Variants in LTBP1 observed in about 807,000 individuals in gnomAD.
LTBP1 encodes the protein latent transforming growth factor beta binding protein 1, also known as latent-transforming growth factor beta-binding protein 1.
Under a neutral mutation model 207.6 loss-of-function variants are expected in LTBP1, and 129 were observed. The ratio of observed to expected loss-of-function variants is 0.62; its 90% CI spans 0.54 to 0.72. The LOEUF is 0.72. Among genes scored for constraint, LTBP1 ranks in the 30% least tolerant of loss-of-function variants. The pLI, the probability that LTBP1 is intolerant of heterozygous loss-of-function variation, is 0.00. For synonymous variants in LTBP1, 963 were observed against 833.7 expected (o/e 1.16, Z -2.67); for missense variants, 2,281 against 2,217.2 (o/e 1.03, Z -0.58).
chr2:33,099,326 T>C (rs967867106), intron 3 of LTBP1, among the ~76,000 whole-genome samples: 76 of 152,336 alleles, frequency 5.0e-4, no homozygotes, highest in African/African-American at 1.7e-3. Flanking sequence ...ACCTTAAAAA[T>C]TGAAAGAATT....
chr2:33,254,272 G>A (rs1024184755), intron 11 of LTBP1, among the ~76,000 whole-genome samples: 22 of 151,870 alleles, frequency 1.4e-4, no homozygotes, highest in Non-Finnish European at 2.5e-4. Context: ...TTTATTATGC[G>A]TATTATTTTG....
At chr2:33,080,063 G>A (rs2078307983) in intron 3 of LTBP1, among the ~76,000 whole-genome samples, 1 of 152,124 alleles carries the variant, frequency 6.6e-6, no homozygotes, top group Non-Finnish European at 1.5e-5. Context: ...GTCCCCCTCT[G>A]TCACCCAGGC....
At chr2:32,948,283 G>A (rs943255782) in intron 1 of LTBP1, among the ~76,000 whole-genome samples, 6 of 152,236 alleles carry the variant, frequency 3.9e-5, no homozygotes, top group African/African-American at 1.4e-4. Context: ...CAGCATCAGA[G>A]AAATCATGGG....
At chr2:33,143,792 T>C (rs752900391) in intron 5 of LTBP1, among the ~76,000 whole-genome samples, 1 of 151,956 alleles carries the variant, frequency 6.6e-6, no homozygotes, top group African/African-American at 2.4e-5. Flanking sequence ...TTGTTGTTTT[T>C]TTTTTTTTTC....
intron 5 of LTBP1, among the ~76,000 whole-genome samples, chr2:33,151,078 A>T (rs1175173891): frequency 1.3e-5 from 2 of 152,080 alleles, no homozygotes; most frequent in African/African-American, 4.8e-5. Context: ...ATACTGTAGC[A>T]TGTTTTCTTT....
chr2:33,181,605 T>A (rs1473840129), intron 5 of LTBP1, among the ~76,000 whole-genome samples: 1 of 152,222 alleles, frequency 6.6e-6, no homozygotes, highest in African/African-American at 2.4e-5. Context: ...CCCAGGTGAC[T>A]CTCTGATGCA....
Position 33,365,359 on chromosome 2 carries a change from C to G in LTBP1, c.4567C>G (p.Gln1523Glu). 1 of 1,614,106 alleles carries G rather than the reference C, an allele frequency of 6.2e-7. No individual in the cohort carries two copies. Among genetic ancestry groups the G allele is most frequent in the Non-Finnish European group, 8.5e-7 (1 of 1,180,002 alleles). Reference protein sequence around the residue: ...NEQIEETDVYQDLCWEHLSDE... With the variant: ...NEQIEETDVYEDLCWEHLSDE... ...ACAAATAGAAGAAACTGATGTCTAC[C>G]AAGATTTGTGCTGGGAACATCTGAG... is the stretch of plus-strand genomic sequence containing the variant. Residue 1523 changes from glutamine to glutamate, a missense_variant, in exon 31 of 34, where the codon CAA (glutamine) becomes GAA (glutamate). Transcript: ENST00000404816.
chr2:33,264,519 T>G (rs1385382508), intron 15 of LTBP1, among the ~76,000 whole-genome samples: 2 of 152,172 alleles, frequency 1.3e-5, no homozygotes, highest in Admixed American at 1.3e-4. Context: ...ATCCTTAATG[T>G]GTATTGAGCT....
intron 2 of LTBP1, among the ~76,000 whole-genome samples, chr2:32,990,381 G>C (rs1214135736): frequency 2.0e-5 from 3 of 152,014 alleles, no homozygotes; most frequent in Admixed American, 2.0e-4. Flanking sequence ...CAAAGCGTAG[G>C]GTATTAATTT....
intron 5 of LTBP1, among the ~76,000 whole-genome samples, chr2:33,148,589 C>CAA (rs2083245977): frequency 6.6e-6 from 1 of 152,318 alleles, no homozygotes; most frequent in Non-Finnish European, 1.5e-5. Context: ...TCTCCTCTTT[C>CAA]CCACATGGTC....
At chr2:33,063,413 A>G (rs536456726) in intron 3 of LTBP1, among the ~76,000 whole-genome samples, 11 of 152,226 alleles carry the variant, frequency 7.2e-5, no homozygotes. Flanking sequence ...GCAGATAGGC[A>G]ATCAGGCTCT....
At chr2:33,301,121 TTA>T (rs886465850) in intron 21 of LTBP1, among the ~76,000 whole-genome samples, 4 of 152,184 alleles carry the variant, frequency 2.6e-5, no homozygotes, top group Admixed American at 1.3e-4. Flanking sequence ...AGGGTTGACC[TTA>T]GACTTTTTAA....
chr2:33,216,479 C>A (rs1367945285), intron 7 of LTBP1, among the ~76,000 whole-genome samples: 1 of 152,036 alleles, frequency 6.6e-6, no homozygotes, highest in Non-Finnish European at 1.5e-5. Flanking sequence ...TAGGAAGGAC[C>A]TTATAGATCA....
intron 2 of LTBP1, among the ~76,000 whole-genome samples, chr2:33,011,279 A>G (rs187162514): frequency 5.3e-5 from 8 of 152,226 alleles, no homozygotes; most frequent in Admixed American, 4.6e-4. Flanking sequence ...TTTTGAATTG[A>G]CTAGAACATC....
At chr2:33,172,913 A>G (rs992312642) in intron 5 of LTBP1, among the ~76,000 whole-genome samples, 2 of 152,178 alleles carry the variant, frequency 1.3e-5, no homozygotes, top group African/African-American at 4.8e-5. Flanking sequence ...TACTGGGTAC[A>G]TAACAAAATG....
intron 2 of LTBP1, among the ~76,000 whole-genome samples, chr2:33,020,671 G>A (rs1288353926): frequency 2.0e-5 from 3 of 152,072 alleles, no homozygotes; most frequent in Admixed American, 6.5e-5. Context: ...TACAAAACAC[G>A]TTGCTGGGGG....
chr2:33,141,797 A>AT (rs1196952613), intron 5 of LTBP1, among the ~76,000 whole-genome samples: 1 of 152,158 alleles, frequency 6.6e-6, no homozygotes, highest in African/African-American at 2.4e-5. Context: ...AAAGGCTGAC[A>AT]TTTGGAGCAT....
At chr2:33,326,546 T>G (rs2094429458) in intron 24 of LTBP1, among the ~76,000 whole-genome samples, 1 of 152,154 alleles carries the variant, frequency 6.6e-6, no homozygotes, top group African/African-American at 2.4e-5. Context: ...ATATTCATTC[T>G]TGACCTTATT....
chr2:33,070,044 C>G (rs1397621006), intron 3 of LTBP1, among the ~76,000 whole-genome samples: 1 of 152,176 alleles, frequency 6.6e-6, no homozygotes, highest in Non-Finnish European at 1.5e-5. Context: ...AGGTTTTCAG[C>G]CAGGGCTGGG....
Sources: allele counts gnomAD v4.1 joint callset (sites outside exome capture counted in the v4.1 genomes callset), GRCh38; gene constraint gnomAD v4.1.1; transcripts MANE v1.5; gene names NCBI Gene and HGNC (gene_info 2026-07-23, HGNC 2026-07-21).